The following A3GALT2 variants were observed in gnomAD, a reference collection of about 807,000 sequenced individuals.
The protein encoded by A3GALT2 is alpha-1,3-galactosyltransferase 2.
A3GALT2 carries 14 observed loss-of-function variants against 16.6 expected under a neutral mutation model. That is an observed-to-expected ratio of 0.84 (90% CI 0.56 to 1.32). The LOEUF (loss-of-function observed/expected upper bound fraction) is 1.32. Ranked by LOEUF, A3GALT2 falls within the 40% of genes most tolerant of loss-of-function variation. A3GALT2 has a pLI of 0.00. For missense variants in A3GALT2, 600 were observed against 490.9 expected (o/e 1.22, Z -2.10); for synonymous variants, 253 against 218.0 (o/e 1.16, Z -1.42).
chr1:33,307,483 G>T (rs778675997), intron 4 of A3GALT2, 30 bp from the exon 5 acceptor site: 2 of 1,440,806 alleles, frequency 1.4e-6, no homozygotes, highest in East Asian at 2.8e-5. Flanking sequence ...GTCAGCCTGA[G>T]AGTGAAGCGA....
At chr1:33,317,722 A>G (rs959763837) in intron 1 of A3GALT2, among the ~76,000 whole-genome samples, 3 of 152,254 alleles carry the variant, frequency 2.0e-5, no homozygotes, top group African/African-American at 7.2e-5. Context: ...AGGCATCTCT[A>G]TACAGGTTGG....
chr1:33,311,960 C>G, intron 4 of A3GALT2, 92 bp downstream of exon 4: 1 of 1,535,484 alleles, frequency 6.5e-7, no homozygotes, highest in East Asian at 2.3e-5. Flanking sequence ...GATCCCATGG[C>G]ACAGGGGAGC....
chr1:33,314,108 G>A (rs901249065), intron 1 of A3GALT2: 2 of 141,492 alleles, frequency 1.4e-5, no homozygotes, highest in Non-Finnish European at 3.0e-5. Flanking sequence ...TGTAGCCCAG[G>A]CTAGCGTGCA....
chr1:33,312,607 G>T lies in A3GALT2; in HGVS notation c.108-17C>A, dbSNP rs369137151. On this transcript the variant is annotated splice_polypyrimidine_tract_variant and intron_variant, in intron 2 of 4. Transcript: ENST00000442999. ...TCCAGATGCCTGTGGTGGGTTGAGG[G>T]GCGGGGGGCAGGCAGCCGTGAGAAG... The T allele has an allele frequency of 1.3e-6, 2 of 1,560,984 alleles. No individual in the cohort carries two copies. Among genetic ancestry groups the T allele is most frequent in the African/African-American group, 2.7e-5 (2 of 73,244 alleles).
rs577496127 is a variant in A3GALT2, at chr1:33,307,234, G to A, written c.555C>T (p.Gly185=). The A allele has an allele frequency of 3.6e-5, 53 of 1,486,094 alleles. 2 individuals carry two copies. The Middle Eastern group carries it at 8.6e-4, about 24-fold the overall frequency. The allele number at this position is 1,486,094 out of a possible 1,614,324, so 92.1% of individuals were successfully genotyped here. A position where few individuals can be genotyped will look rare whatever the true frequency, so the allele number is the denominator to read the frequency against. The change falls in exon 5 of 5, where the codon GGC becomes GGT. Residue 185 remains glycine, a synonymous_variant. Coordinates refer to ENST00000442999, the MANE Select transcript of A3GALT2 (RefSeq NM_001080438.1). ...AGTGCGCCTCGCGGCCCGGCAGCCC[G>A]CCCAGCGCCGCGTGCAACGTGCGCA... ...ARMRTLHAAL[G]GLPGREAHFM...
At position 33,307,141 on chromosome 1, in the gene A3GALT2, C is replaced by CG. The variant is rs1173034301; in HGVS notation, c.647dup (p.Val217GlyfsTer37). ...AGTGCCAGGAGTGCAGCTGCGCCAC[C>CG]GACTCGGCCAGCGCCTCGGGCCCAA... On this transcript the variant is annotated frameshift_variant, in exon 5 of 5. Coordinates refer to ENST00000442999, the MANE Select transcript of A3GALT2 (RefSeq NM_001080438.1). LOFTEE classifies it low-confidence loss of function (END_TRUNC). The CG allele has an allele frequency of 9.0e-6, 14 of 1,548,060 alleles. No homozygotes were observed. Among genetic ancestry groups the CG allele is most frequent in the Non-Finnish European group, 1.1e-5 (13 of 1,150,094 alleles).
At chr1:33,312,912 C>G (rs762645073) in intron 1 of A3GALT2, 22 bp from the exon 2 acceptor site, 4 of 1,562,510 alleles carry the variant, frequency 2.6e-6, no homozygotes, top group Non-Finnish European at 3.5e-6. Context: ...AGGGGGGCAT[C>G]AGTAACTCAT....
chr1:33,312,609 C>CG lies in A3GALT2; in HGVS notation c.108-20dup, dbSNP rs768352764. 5 of 1,554,214 alleles carry CG rather than the reference C, an allele frequency of 3.2e-6. No homozygotes were observed. Among genetic ancestry groups the CG allele is most frequent in the South Asian group, 2.4e-5 (2 of 83,926 alleles). The stretch of plus-strand genomic sequence containing the variant: ...CAGATGCCTGTGGTGGGTTGAGGGG[C>CG]GGGGGGCAGGCAGCCGTGAGAAGCA... On this transcript the variant is annotated intron_variant, in intron 2 of 4. Coordinates refer to ENST00000442999, the MANE Select transcript of A3GALT2 (RefSeq NM_001080438.1).
chr1:33,307,212 GCGCCT>G lies in A3GALT2; in HGVS notation c.572_576del (p.Glu191AlafsTer61), dbSNP rs760503764. The G allele has an allele frequency of 5.3e-6, 8 of 1,506,396 alleles. No homozygotes were observed. In the East Asian group the frequency reaches 2.3e-4, roughly 43 times the overall value. 93.3% of individuals were successfully genotyped at this position (1,506,396 alleles called of 1,614,324 possible). A position where few individuals can be genotyped will look rare whatever the true frequency, so the allele number is the denominator to read the frequency against. ...TCCACGTCCATGCAGAACATGAAGT[GCGCCT>G]CGCGGCCCGGCAGCCCGCCCAGCGC... On this transcript the variant is annotated frameshift_variant, in exon 5 of 5. Transcript: ENST00000442999. LOFTEE classifies it low-confidence loss of function (END_TRUNC).
intron 1 of A3GALT2, among the ~76,000 whole-genome samples, chr1:33,316,043 T>C (rs940630094): frequency 1.3e-5 from 2 of 152,104 alleles, no homozygotes; most frequent in African/African-American, 4.8e-5. Flanking sequence ...ATGAGGCAAA[T>C]TGGAGAGTAG....
chr1:33,312,008 C>T lies in A3GALT2; in HGVS notation c.335+44G>A, dbSNP rs368129840. 624 of 1,610,806 alleles carry T rather than the reference C, an allele frequency of 3.9e-4. No individual in the cohort carries two copies. Among genetic ancestry groups the T allele is most frequent in the Non-Finnish European group, 5.1e-4 (598 of 1,178,470 alleles). On this transcript the variant is annotated intron_variant, in intron 4 of 4. Transcript: ENST00000442999. ...CTCCTTCATCACATGCACACCCCTCCCACTCACAGCTTTGACAGCACTGCT... is the reference window on the plus strand; with the variant it reads ...CTCCTTCATCACATGCACACCCCTCTCACTCACAGCTTTGACAGCACTGCT...
At chr1:33,313,751 G>A (rs902661016) in intron 1 of A3GALT2, 2 of 152,230 alleles carry the variant, frequency 1.3e-5, no homozygotes, top group African/African-American at 4.8e-5. Context: ...CAGAGCCCTG[G>A]GTTCGAATCC....
At chr1:33,311,178 C>A (rs1646230985) in intron 4 of A3GALT2, among the ~76,000 whole-genome samples, 1 of 152,180 alleles carries the variant, frequency 6.6e-6, no homozygotes, top group African/African-American at 2.4e-5. Context: ...CACTGTCAGC[C>A]AAGAGTCCCC....
intron 1 of A3GALT2, 36 bp downstream of exon 1, chr1:33,321,040 A>G (rs1646283667): frequency 1.2e-6 from 2 of 1,612,672 alleles, no homozygotes; most frequent in Non-Finnish European, 1.7e-6. Context: ...GCTGTCCCCA[A>G]GCTTTCTTCC....
At chr1:33,312,426 G>A in intron 3 of A3GALT2, 75 bp downstream of exon 3, 1 of 1,428,346 alleles carries the variant, frequency 7.0e-7, no homozygotes, top group South Asian at 1.4e-5. Flanking sequence ...GAGATGTGTG[G>A]AGGGCAGGGA....
At chr1:33,316,415 T>A (rs2148163047) in intron 1 of A3GALT2, among the ~76,000 whole-genome samples, 1 of 152,144 alleles carries the variant, frequency 6.6e-6, no homozygotes, top group East Asian at 1.9e-4. Flanking sequence ...TCAGTCAGAT[T>A]TTTATTTGAA....
intron 1 of A3GALT2, among the ~76,000 whole-genome samples, chr1:33,318,403 A>C (rs1646270718): frequency 7.0e-5 from 10 of 143,688 alleles, no homozygotes; most frequent in African/African-American, 1.0e-4. Flanking sequence ...CCTGCCATTC[A>C]CTCTCCCCTT....
intron 1 of A3GALT2, chr1:33,313,201 T>TTTTTTTG (rs1646244815): frequency 3.9e-6 from 1 of 255,364 alleles, no homozygotes; most frequent in Admixed American, 5.1e-5. Context: ...TTTTTTTTTT[T>TTTTTTTG]GAGACAGCCT....
chr1:33,319,664 G>A, intron 1 of A3GALT2, among the ~76,000 whole-genome samples: 1 of 152,128 alleles, frequency 6.6e-6, no homozygotes, highest in Non-Finnish European at 1.5e-5. Flanking sequence ...GGCAGCACAT[G>A]GGGCGTTCGT....
Sources: gnomAD v4.1 joint callset for allele counts (sites outside exome capture counted in the v4.1 genomes callset) on GRCh38, gnomAD v4.1.1 for gene constraint, MANE v1.5 for transcripts, NCBI Gene and HGNC (gene_info 2026-07-23, HGNC 2026-07-21) for gene names.